The following SLC14A2 variants were observed in gnomAD, a reference collection of about 807,000 sequenced individuals.
SLC14A2 encodes solute carrier family 14 member 2, also known as urea transporter 2.
In SLC14A2, 91 loss-of-function variants were observed where a neutral mutation model predicts 104.6. The observed-to-expected ratio is 0.87, with a 90% CI of 0.73 to 1.04. The LOEUF is 1.04. Ranked by LOEUF, SLC14A2 falls within the 50% of genes least tolerant of loss-of-function variation. SLC14A2 has a pLI of 0.00. For synonymous variants in SLC14A2, 476 were observed against 466.4 expected, an observed-to-expected ratio of 1.02 and a Z score of -0.27; for missense variants, 1,189 against 1,156.0, an observed-to-expected ratio of 1.03 and a Z score of -0.41.
At chr18:45,244,092 T>C (rs1334177380) in intron 1 of SLC14A2, among the ~76,000 whole-genome samples, 1 of 152,214 alleles carries the variant, frequency 6.6e-6, no homozygotes, top group Non-Finnish European at 1.5e-5. Flanking sequence ...AGTCAAATCC[T>C]GGACTGCCAA....
intron 10 of SLC14A2, among the ~76,000 whole-genome samples, chr18:45,650,232 G>A (rs932871801): frequency 6.2e-4 from 95 of 152,146 alleles, no homozygotes; most frequent in African/African-American, 2.1e-3. Flanking sequence ...TCAATTCAAT[G>A]GATAAGTTGA....
intron 1 of SLC14A2, among the ~76,000 whole-genome samples, chr18:45,408,994 C>G (rs934975873): frequency 3.3e-5 from 5 of 152,082 alleles, no homozygotes; most frequent in Non-Finnish European, 7.4e-5. Context: ...AAAATGCAAT[C>G]TGGGATTGGC....
At chr18:45,339,241 G>A (rs892145303) in intron 1 of SLC14A2, among the ~76,000 whole-genome samples, 4 of 152,180 alleles carry the variant, frequency 2.6e-5, no homozygotes, top group Admixed American at 1.3e-4. Context: ...TGGGATTACA[G>A]GCACAAGCCA....
At chr18:45,217,338 T>G (rs960375097) in intron 1 of SLC14A2, among the ~76,000 whole-genome samples, 1 of 150,046 alleles carries the variant, frequency 6.7e-6, no homozygotes, top group African/African-American at 2.4e-5. Context: ...AATGTACATA[T>G]ATTACATATT....
At chr18:45,659,505 T>G (rs1271205466) in intron 10 of SLC14A2, among the ~76,000 whole-genome samples, 1 of 152,218 alleles carries the variant, frequency 6.6e-6, no homozygotes, top group East Asian at 1.9e-4. Flanking sequence ...ATGGCCTATT[T>G]TCTTCTCTTT....
intron 1 of SLC14A2, among the ~76,000 whole-genome samples, chr18:45,236,990 G>C (rs1001954707): frequency 6.6e-6 from 1 of 152,166 alleles, no homozygotes; most frequent in Non-Finnish European, 1.5e-5. Context: ...AACTTGTGCT[G>C]CTAGGCATAT....
In SLC14A2 at chr18:45,659,961, C is replaced by CAA. The variant is rs11456560; in HGVS notation, c.1352-3809_1352-3808dup. Among the ~76,000 whole-genome samples, 150 of 104,788 alleles carry CAA rather than the reference C, an allele frequency of 1.4e-3. 1 individual carries two copies. The highest frequency in any genetic ancestry group is 4.9e-3 in the East Asian group (16 of 3,272). 68.7% of individuals were successfully genotyped at this position (104,788 alleles called of 152,430 possible). On this transcript the variant is annotated intron_variant, in intron 10 of 19. Coordinates refer to ENST00000255226, the MANE Select transcript of SLC14A2 (RefSeq NM_007163.4). ...TCAACATAATGAGACACTGGCTCTA[C>CAA]AAAAAAAAAAAAAAAAGAAAGAAAA...
chr18:45,521,994 C>T (rs1029522189), intron 2 of SLC14A2, among the ~76,000 whole-genome samples: 4 of 152,188 alleles, frequency 2.6e-5, no homozygotes, highest in East Asian at 1.9e-4. Context: ...TGGAGGAAAG[C>T]GTGCTGGACT....
the SLC14A2 span, among the ~76,000 whole-genome samples, chr18:45,183,542 C>T: frequency 6.6e-6 from 1 of 152,152 alleles, no homozygotes; most frequent in African/African-American, 2.4e-5. Context: ...TTCCCATTAG[C>T]TTTGTTAGTG....
chr18:45,629,775 C>T (rs1440287930), intron 4 of SLC14A2, among the ~76,000 whole-genome samples: 6 of 152,228 alleles, frequency 3.9e-5, no homozygotes, highest in Non-Finnish European at 4.4e-5. Context: ...GCCTAATCCT[C>T]ACAAACACCC....
chr18:45,440,539 G>C (rs1360437043), intron 1 of SLC14A2: 1 of 152,192 alleles, frequency 6.6e-6, no homozygotes, highest in African/African-American at 2.4e-5. Context: ...GCCTAGGCAG[G>C]GGGAGGCAAA....
At chr18:45,225,525 G>C (rs1336888824) in intron 1 of SLC14A2, among the ~76,000 whole-genome samples, 2 of 152,144 alleles carry the variant, frequency 1.3e-5, no homozygotes, top group Non-Finnish European at 2.9e-5. Context: ...CCAATTCTGT[G>C]AAGAAAGTCA....
At chr18:45,582,246 A>T (rs1383431931) in intron 2 of SLC14A2, among the ~76,000 whole-genome samples, 2 of 152,174 alleles carry the variant, frequency 1.3e-5, no homozygotes, top group Non-Finnish European at 2.9e-5. Flanking sequence ...TCTAGCATTT[A>T]AGTAGTATAA....
At position 45,572,992 on chromosome 18, in the gene SLC14A2, A is replaced by ATAGTCCGCCT. The variant is rs534989559; in HGVS notation, c.-34-51637_-34-51628dup. Among the ~76,000 whole-genome samples the ATAGTCCGCCT allele has an allele frequency of 1.4e-4, 21 of 152,374 alleles. No individual in the cohort carries two copies. The East Asian group carries it at 3.9e-3, about 28-fold the overall frequency. ...TGGCAGTTAAAAAACCAAGTGGAGA[A>ATAGTCCGCCT]TAGTCCGCCTTTATCCCCCAAAACA... On this transcript the variant is annotated intron_variant, in intron 2 of 20. Transcript: ENST00000586448.
chr18:45,437,705 A>C (rs1390606148), intron 1 of SLC14A2, among the ~76,000 whole-genome samples: 1 of 152,208 alleles, frequency 6.6e-6, no homozygotes. Context: ...CTCAGCAGGC[A>C]GTTGTGTTGA....
At chr18:45,648,497 G>A (rs11082456) in intron 10 of SLC14A2, among the ~76,000 whole-genome samples, 43,302 of 149,552 alleles carry the variant, frequency 0.29, 7,418 homozygotes, top group Middle Eastern at 0.43. Flanking sequence ...GAGCCACCAC[G>A]CCCGGCCTAG....
chr18:45,409,418 C>T (rs1408824297), intron 1 of SLC14A2, among the ~76,000 whole-genome samples: 1 of 152,182 alleles, frequency 6.6e-6, no homozygotes, highest in African/African-American at 2.4e-5. Context: ...TCTCTGCCTA[C>T]CGTAATCTTC....
At chr18:45,314,798 A>G (rs955688001) in intron 1 of SLC14A2, among the ~76,000 whole-genome samples, 10 of 152,338 alleles carry the variant, frequency 6.6e-5, no homozygotes, top group African/African-American at 2.4e-4. Context: ...CTAGCAATAA[A>G]GCAACCACAA....
chr18:45,364,278 T>C (rs2085644940), intron 1 of SLC14A2, among the ~76,000 whole-genome samples: 1 of 152,214 alleles, frequency 6.6e-6, no homozygotes, highest in South Asian at 2.1e-4. Context: ...AGGCAATTAA[T>C]AAGCATTATT....
Sources: gnomAD v4.1 joint callset for allele counts (sites outside exome capture counted in the v4.1 genomes callset) on GRCh38, gnomAD v4.1.1 for gene constraint, MANE v1.5 for transcripts, NCBI Gene and HGNC (gene_info 2026-07-23, HGNC 2026-07-21) for gene names.